SCAF8: variants seen among roughly 807,000 people sequenced by gnomAD.
The protein encoded by SCAF8 is SR-related CTD associated factor 8.
In SCAF8, 23 loss-of-function variants were observed where a neutral mutation model predicts 140.5. The ratio of observed to expected loss-of-function variants is 0.16; its 90% CI spans 0.12 to 0.23. SCAF8 has a LOEUF of 0.23. Among genes scored for constraint, SCAF8 ranks in the 10% least tolerant of loss-of-function variants. The pLI is 1.00. For missense variants in SCAF8, 1,397 were observed against 1,555.7 expected (o/e 0.90, Z 1.72); for synonymous variants, 575 against 528.9 (o/e 1.09, Z -1.20).
chr6:154,789,171 T>C (rs1777338969), intron 4 of SCAF8, among the ~76,000 whole-genome samples: 1 of 152,076 alleles, frequency 6.6e-6, no homozygotes, highest in African/African-American at 2.4e-5. Context: ...TGCAATGGCA[T>C]GATCTTGGCT....
At chr6:154,774,185 C>T in intron 2 of SCAF8, 113 bp downstream of exon 2, 1 of 730,866 alleles carries the variant, frequency 1.4e-6, no homozygotes, top group Admixed American at 2.6e-5. Flanking sequence ...ACAGTGTTAA[C>T]ACATATTGTG....
chr6:154,784,953 C>G (rs1370726848), intron 3 of SCAF8, among the ~76,000 whole-genome samples: 2 of 152,212 alleles, frequency 1.3e-5, no homozygotes, highest in African/African-American at 4.8e-5. Context: ...GCCCCAAGTG[C>G]CTCTTCCTAA....
At chr6:154,736,947 T>G (rs901991464) in intron 1 of SCAF8, among the ~76,000 whole-genome samples, 1 of 152,214 alleles carries the variant, frequency 6.6e-6, no homozygotes, top group Admixed American at 6.5e-5. Flanking sequence ...GAAATATATT[T>G]GAAGAAGATT....
At chr6:154,755,535 A>G (rs919147691) in intron 1 of SCAF8, among the ~76,000 whole-genome samples, 1 of 152,178 alleles carries the variant, frequency 6.6e-6, no homozygotes, top group Admixed American at 6.6e-5. Context: ...CCTGACCCAG[A>G]TTATTAGATT....
chr6:154,819,247 G>A (rs550507703), intron 14 of SCAF8, among the ~76,000 whole-genome samples: 23 of 152,088 alleles, frequency 1.5e-4, no homozygotes, highest in African/African-American at 5.5e-4. Flanking sequence ...TGAGTTTCTT[G>A]TGTAAACTAA....
intron 18 of SCAF8, among the ~76,000 whole-genome samples, chr6:154,827,791 G>C (rs1778606530): frequency 6.8e-6 from 1 of 146,866 alleles, no homozygotes; most frequent in Non-Finnish European, 1.5e-5. Flanking sequence ...AAGTCTTGCA[G>C]TGCCTTTTTG....
intron 3 of SCAF8, among the ~76,000 whole-genome samples, chr6:154,783,755 A>G (rs942084973): frequency 3.9e-5 from 6 of 152,208 alleles, no homozygotes; most frequent in Non-Finnish European, 8.8e-5. Context: ...TTCCAGAGGA[A>G]GGATTGAGTC....
intron 1 of SCAF8, among the ~76,000 whole-genome samples, chr6:154,740,625 C>CTTTTTTTTTTTT (rs66980794): frequency 1.4e-5 from 2 of 138,520 alleles, no homozygotes; most frequent in South Asian, 2.3e-4. Flanking sequence ...TTTTCTTTTT[C>CTTTTTTTTTTTT]TTTTTTTTTT....
intron 1 of SCAF8, among the ~76,000 whole-genome samples, chr6:154,740,959 G>C (rs769491508): frequency 6.6e-6 from 1 of 152,134 alleles, no homozygotes; most frequent in Admixed American, 6.5e-5. Context: ...GCAATCCTAG[G>C]TAGCTAAATG....
At chr6:154,790,496 T>A (rs957634796) in intron 4 of SCAF8, among the ~76,000 whole-genome samples, 11 of 20,382 alleles carry the variant, frequency 5.4e-4, no homozygotes, top group Admixed American at 1.2e-3. Flanking sequence ...AGAATTTTTT[T>A]TTTTTTTTTT....
chr6:154,793,992 G>A (rs1489757405), intron 5 of SCAF8, among the ~76,000 whole-genome samples: 1 of 151,884 alleles, frequency 6.6e-6, no homozygotes, highest in Non-Finnish European at 1.5e-5. Context: ...TGTGATCATA[G>A]CTCACTGCAG....
chr6:154,756,716 C>T (rs913947751), intron 1 of SCAF8, among the ~76,000 whole-genome samples: 1 of 152,086 alleles, frequency 6.6e-6, no homozygotes, highest in East Asian at 1.9e-4. Context: ...CAGAGTGAAA[C>T]ATTCTGTTGC....
intron 2 of SCAF8, among the ~76,000 whole-genome samples, chr6:154,776,221 T>C (rs140014178): frequency 6.6e-6 from 1 of 152,124 alleles, no homozygotes; most frequent in East Asian, 1.9e-4. Context: ...TTTTGTGACA[T>C]TGACATTTTT....
intron 3 of SCAF8, among the ~76,000 whole-genome samples, chr6:154,786,775 A>G (rs1461368864): frequency 6.6e-6 from 1 of 152,198 alleles, no homozygotes; most frequent in African/African-American, 2.4e-5. Context: ...TAAAGAGGAA[A>G]ATTTTAAAGT....
At chr6:154,742,976 T>C (rs1778609661) in intron 1 of SCAF8, among the ~76,000 whole-genome samples, 1 of 152,052 alleles carries the variant, frequency 6.6e-6, no homozygotes, top group East Asian at 1.9e-4. Context: ...TCTCCTGGGA[T>C]ATAGTGGTAA....
chr6:154,774,346 C>T (rs760644261), intron 2 of SCAF8, among the ~76,000 whole-genome samples: 58 of 152,140 alleles, frequency 3.8e-4, no homozygotes, highest in Non-Finnish European at 6.0e-4. Context: ...ACTGTGGCCT[C>T]GACCTCCTGG....
At chr6:154,742,759 G>A (rs1229213601) in intron 1 of SCAF8, among the ~76,000 whole-genome samples, 1 of 152,054 alleles carries the variant, frequency 6.6e-6, no homozygotes, top group Non-Finnish European at 1.5e-5. Context: ...TATTCAGAAT[G>A]GGGACTATGT....
At chr6:154,812,733 C>G (rs1049954520) in intron 12 of SCAF8, among the ~76,000 whole-genome samples, 2 of 152,078 alleles carry the variant, frequency 1.3e-5, no homozygotes, top group African/African-American at 4.8e-5. Context: ...TTCCAGGAAT[C>G]AAGTGTCCCT....
rs764711732 is a variant in SCAF8 at position 154,788,055 on chromosome 6, A to T, written c.321+33A>T. ...ACTGGTTTTTTTTTTTTGTTTTTTT[A>T]AAAGTAGATACAGTAGCCTCTTGGT... is the stretch of plus-strand genomic sequence containing the variant. On this transcript the variant is annotated intron_variant, in intron 4 of 19. Transcript: ENST00000367178. 122 of 1,547,638 alleles carry T rather than the reference A, an allele frequency of 7.9e-5. No individual in the cohort carries two copies. In the African/African-American group the frequency reaches 1.6e-3, roughly 20 times the overall value.
Sources: allele counts gnomAD v4.1 joint callset (sites outside exome capture counted in the v4.1 genomes callset), GRCh38; gene constraint gnomAD v4.1.1; transcripts MANE v1.5; gene names NCBI Gene and HGNC (gene_info 2026-07-23, HGNC 2026-07-21).